MGST2: variants seen among roughly 807,000 people sequenced by gnomAD.
The protein encoded by MGST2 is microsomal glutathione S-transferase 2.
In MGST2, 9 loss-of-function variants were observed where a neutral mutation model predicts 16.6. The observed-to-expected ratio is 0.54, with a 90% CI of 0.33 to 0.95. The LOEUF (loss-of-function observed/expected upper bound fraction) is 0.95. MGST2 is among the 40% of genes least tolerant of loss of function. The pLI, the probability that MGST2 is intolerant of heterozygous loss-of-function variation, is 0.03. For missense variants in MGST2, 159 were observed against 175.1 expected (o/e 0.91, Z 0.52); for synonymous variants, 79 against 68.0 (o/e 1.16, Z -0.79).
chr4:139,676,385 C>T (rs969190486), intron 1 of MGST2, among the ~76,000 whole-genome samples: 4 of 152,062 alleles, frequency 2.6e-5, no homozygotes, highest in Non-Finnish European at 4.4e-5. Context: ...GACACACACA[C>T]GGAGAATTAT....
At chr4:139,703,324 T>A (rs1727375250) in intron 3 of MGST2, 131 bp from the exon 4 acceptor site, 1 of 771,412 alleles carries the variant, frequency 1.3e-6, no homozygotes, top group African/African-American at 1.7e-5. Flanking sequence ...ATGTGGATTC[T>A]CTCTATATTC....
chr4:139,678,066 C>A (rs1407270571), intron 1 of MGST2, among the ~76,000 whole-genome samples: 1 of 152,204 alleles, frequency 6.6e-6, no homozygotes, highest in Non-Finnish European at 1.5e-5. Flanking sequence ...TTCTGTACCT[C>A]ACTGTGGAGC....
chr4:139,668,229 G>C (rs1483249344), intron 1 of MGST2, among the ~76,000 whole-genome samples: 2 of 152,170 alleles, frequency 1.3e-5, no homozygotes, highest in Non-Finnish European at 2.9e-5. Flanking sequence ...TGGAGGCCAA[G>C]GTTCTTACTA....
At chr4:139,726,832 T>C (rs1728491682) in intron 5 of MGST2, among the ~76,000 whole-genome samples, 1 of 152,220 alleles carries the variant, frequency 6.6e-6, no homozygotes, top group Admixed American at 6.5e-5. Flanking sequence ...GGAAGGCTAT[T>C]ATCATTATCA....
the MGST2 span, among the ~76,000 whole-genome samples, chr4:139,753,341 A>AACCT: frequency 1.3e-4 from 19 of 146,578 alleles, no homozygotes; most frequent in African/African-American, 4.8e-4. Flanking sequence ...TTTTCTTTTT[A>AACCT]ATCTATCTAT....
chr4:139,678,989 A>C, intron 2 of MGST2: 1 of 289,014 alleles, frequency 3.5e-6, no homozygotes, highest in Non-Finnish European at 6.5e-6. Context: ...TTATGCTACA[A>C]TTTTCTATCT....
chr4:139,678,653 C>A lies in MGST2; in HGVS notation c.158+11C>A. 6.3e-7 allele frequency: 1 copy of A among 1,582,370 alleles called. No individual in the cohort carries two copies. The highest frequency in any genetic ancestry group is 8.7e-7 in the Non-Finnish European group (1 of 1,151,254). Reference sequence around the variant, plus strand: ...AGTATTTCGGGCACAGTAAGTAATGCTTCTTCCACCCTTCATGGATCTGTG... The same window carrying A: ...AGTATTTCGGGCACAGTAAGTAATGATTCTTCCACCCTTCATGGATCTGTG... On this transcript the variant is annotated intron_variant, in intron 2 of 4. Coordinates refer to ENST00000265498, the MANE Select transcript of MGST2 (RefSeq NM_002413.5).
intron 2 of MGST2, among the ~76,000 whole-genome samples, chr4:139,681,140 C>A (rs1299245168): frequency 3.9e-5 from 6 of 152,128 alleles, no homozygotes; most frequent in Non-Finnish European, 8.8e-5. Context: ...CCTCTGCCTC[C>A]TGAGTATCTA....
chr4:139,728,625 A>G (rs2110981495), intron 5 of MGST2, among the ~76,000 whole-genome samples: 1 of 152,238 alleles, frequency 6.6e-6, no homozygotes, highest in Non-Finnish European at 1.5e-5. Context: ...TTTGGTACAC[A>G]CAGTTGCTAC....
rs759339302 is a variant in MGST2, at chr4:139,735,140, G to C, written c.*49-5072G>C. ...GAGCCAGGCAGTCAAGTGTTACTGC[G>C]TACAGCAGGTAGCCTGGCAACTGAG... On this transcript the variant is annotated intron_variant, in intron 5 of 5. Coordinates refer to the MGST2 transcript ENST00000616265. This position sits in a 1 kb window ranked among gnomAD's most constrained non-coding sequence, Gnocchi z 5.8. 6.6e-6 allele frequency among the ~76,000 whole-genome samples: 1 copy of C among 152,226 alleles called. No individual in the cohort carries two copies. The highest frequency in any genetic ancestry group is 2.4e-5 in the African/African-American group (1 of 41,462).
At chr4:139,727,926 T>C (rs546690748) in intron 5 of MGST2, among the ~76,000 whole-genome samples, 53 of 152,188 alleles carry the variant, frequency 3.5e-4, no homozygotes, top group African/African-American at 1.3e-3. Flanking sequence ...AACGAAAAAC[T>C]GAGAGCTGGC....
At chr4:139,746,407 G>A in the MGST2 span, among the ~76,000 whole-genome samples, 2 of 151,884 alleles carry the variant, frequency 1.3e-5, no homozygotes, top group African/African-American at 4.8e-5. Context: ...GAGACTGAGT[G>A]TCTTCTCTGA....
At position 139,735,271 on chromosome 4, in the gene MGST2, A is replaced by C. The variant is rs1728888274; in HGVS notation, c.*49-4941A>C. 6.6e-6 allele frequency among the ~76,000 whole-genome samples: 1 copy of C among 152,208 alleles called. No homozygotes were observed. The highest frequency in any genetic ancestry group is 6.5e-5 in the Admixed American group (1 of 15,282). ...GGTGACTCGAGGCCCTCTTTGCACA[A>C]AATGAGTTCTCTCTCCATTGCCGTG... On this transcript the variant is annotated intron_variant, in intron 5 of 5. Coordinates refer to the MGST2 transcript ENST00000616265. This position sits in a 1 kb window ranked among gnomAD's most constrained non-coding sequence, Gnocchi z 5.8.
intron 5 of MGST2, among the ~76,000 whole-genome samples, chr4:139,721,351 A>G (rs1728226970): frequency 6.6e-6 from 1 of 152,212 alleles, no homozygotes; most frequent in South Asian, 2.1e-4. Context: ...AGGTACACAA[A>G]AACGGATTTT....
In MGST2 at chr4:139,671,883, C is replaced by A. The variant is rs994735739; in HGVS notation, c.58+5806C>A. ...TCTTGATCACCTGACCTCAAGTGATCCACCCGCCTCAACCTCCCAAAGTGC... is the reference window on the plus strand; with the variant it reads ...TCTTGATCACCTGACCTCAAGTGATACACCCGCCTCAACCTCCCAAAGTGC... On this transcript the variant is annotated intron_variant, in intron 1 of 4. Transcript: ENST00000265498. Among the ~76,000 whole-genome samples the A allele has an allele frequency of 2.6e-5, 4 of 152,236 alleles. 1 individual carries two copies. The South Asian group carries it at 6.2e-4, about 24-fold the overall frequency.
chr4:139,681,933 G>A (rs968567834), intron 2 of MGST2, among the ~76,000 whole-genome samples: 1 of 152,140 alleles, frequency 6.6e-6, no homozygotes. Context: ...GCTCACACCT[G>A]TAATCCCAGG....
chr4:139,731,064 C>T (rs1358879051), intron 5 of MGST2: 1 of 187,986 alleles, frequency 5.3e-6, no homozygotes, highest in Non-Finnish European at 1.1e-5. Context: ...ATCCTTATTT[C>T]TTACTGTCTA....
At position 139,666,093 on chromosome 4, in the gene MGST2, A is replaced by C. The variant is rs1375792188; in HGVS notation, c.58+16A>C. On this transcript the variant is annotated intron_variant, in intron 1 of 4. Coordinates refer to ENST00000265498, the MANE Select transcript of MGST2 (RefSeq NM_002413.5). The stretch of plus-strand genomic sequence containing the variant: ...TGTCAGCAAAGTAAGAGGCATGGGA[A>C]GTTCGTGTGTGTGCGCGTGTGTGCG... 4 of 1,566,920 alleles carry C rather than the reference A, an allele frequency of 2.6e-6. No individual in the cohort carries two copies. The highest frequency in any genetic ancestry group is 2.6e-6 in the Non-Finnish European group (3 of 1,156,616).
chr4:139,687,595 TCTC>T (rs1731634814), intron 2 of MGST2: 1 of 152,180 alleles, frequency 6.6e-6, no homozygotes. Flanking sequence ...CCTACCCTTT[TCTC>T]CTGCTGATTT....
Sources: gnomAD v4.1 joint callset for allele counts (sites outside exome capture counted in the v4.1 genomes callset) on GRCh38, gnomAD v4.1.1 for gene constraint, Gnocchi (gnomAD v3.1) non-coding constraint, MANE v1.5 for transcripts, NCBI Gene and HGNC (gene_info 2026-07-23, HGNC 2026-07-21) for gene names.